Variants in TSHZ2 observed in about 807,000 individuals in gnomAD.
TSHZ2 encodes the protein teashirt zinc finger homeobox 2.
Under a neutral mutation model 74.4 loss-of-function variants are expected in TSHZ2, and 21 were observed. That is an observed-to-expected ratio of 0.28 (90% confidence interval 0.20 to 0.41). The LOEUF (loss-of-function observed/expected upper bound fraction) is 0.41, where lower values mean the gene tolerates loss of function less well. TSHZ2 is among the 10% of genes least tolerant of loss of function. The pLI, the probability that TSHZ2 is intolerant of heterozygous loss-of-function variation, is 1.00. For synonymous variants in TSHZ2, 540 were observed against 515.3 expected (o/e 1.05, Z -0.65); for missense variants, 1,244 against 1,293.5 (o/e 0.96, Z 0.59).
intron 2 of TSHZ2, among the ~76,000 whole-genome samples, chr20:53,341,999 T>C (rs534488801): frequency 1.3e-5 from 2 of 152,142 alleles, no homozygotes; most frequent in Non-Finnish European, 1.5e-5. Flanking sequence ...GCGTGAGCAA[T>C]CATGCCCAGC....
At chr20:53,401,555 C>T (rs1434808163) in intron 2 of TSHZ2, among the ~76,000 whole-genome samples, 1 of 2,082 alleles carries the variant, frequency 4.8e-4, no homozygotes, top group African/African-American at 7.7e-3. Flanking sequence ...TCCAACCCCT[C>T]CCCCCCGAGT....
At chr20:53,321,112 T>C (rs1186282682) in intron 2 of TSHZ2, among the ~76,000 whole-genome samples, 1 of 152,238 alleles carries the variant, frequency 6.6e-6, no homozygotes, top group African/African-American at 2.4e-5. Flanking sequence ...ACCATCACTC[T>C]AGGGCGCAAC....
At chr20:53,115,512 T>C (rs972617733) in intron 1 of TSHZ2, among the ~76,000 whole-genome samples, 28 of 152,224 alleles carry the variant, frequency 1.8e-4, no homozygotes, top group African/African-American at 2.2e-4. Flanking sequence ...TTCCCAGCCA[T>C]GTGGAACTGT....
intron 1 of TSHZ2, among the ~76,000 whole-genome samples, chr20:53,251,673 A>G (rs1990334998): frequency 1.3e-5 from 2 of 152,206 alleles, no homozygotes; most frequent in Admixed American, 6.5e-5. Context: ...TAAAATAACT[A>G]ACACAACCAT....
intron 1 of TSHZ2, among the ~76,000 whole-genome samples, chr20:53,218,033 C>A (rs1396084227): frequency 6.6e-6 from 1 of 152,212 alleles, no homozygotes; most frequent in Admixed American, 6.5e-5. Context: ...TAGCCCAACA[C>A]CCTCCTTTTT....
chr20:53,155,992 C>T (rs1042917378), intron 1 of TSHZ2, among the ~76,000 whole-genome samples: 1 of 152,104 alleles, frequency 6.6e-6, no homozygotes, highest in Admixed American at 6.5e-5. Context: ...TCTCTAAATG[C>T]CTGTTTCTTT....
intron 1 of TSHZ2, 22 bp downstream of exon 1, chr20:52,973,355 CG>C: frequency 6.4e-7 from 1 of 1,550,814 alleles, no homozygotes; most frequent in African/African-American, 1.4e-5. Flanking sequence ...GGCTCCGCTT[CG>C]GGGCTGCCCT....
At chr20:53,373,051 G>A (rs903447487) in intron 2 of TSHZ2, among the ~76,000 whole-genome samples, 1 of 152,028 alleles carries the variant, frequency 6.6e-6, no homozygotes, top group Non-Finnish European at 1.5e-5. Flanking sequence ...CTATTGCTTT[G>A]CATGACAAAA....
chr20:53,037,875 G>A (rs1459205753), intron 1 of TSHZ2, among the ~76,000 whole-genome samples: 3 of 152,078 alleles, frequency 2.0e-5, no homozygotes, highest in African/African-American at 7.2e-5. Context: ...TTCATGAGAT[G>A]CACAGGGGCC....
intron 2 of TSHZ2, among the ~76,000 whole-genome samples, chr20:53,410,903 G>A (rs954716764): frequency 6.6e-6 from 1 of 151,964 alleles, no homozygotes; most frequent in African/African-American, 2.4e-5. Flanking sequence ...TAGAACTTTT[G>A]ACCTCATGTG....
At chr20:52,994,631 C>T (rs146311434) in intron 1 of TSHZ2, among the ~76,000 whole-genome samples, 2 of 152,188 alleles carry the variant, frequency 1.3e-5, no homozygotes, top group Non-Finnish European at 2.9e-5. Flanking sequence ...TCCCTTCAGA[C>T]GAATCCTTCC....
chr20:53,313,337 TC>T (rs1978867797), intron 2 of TSHZ2, among the ~76,000 whole-genome samples: 2 of 152,254 alleles, frequency 1.3e-5, no homozygotes, highest in South Asian at 4.1e-4. Context: ...ATTACACACT[TC>T]CCTACCTCCT....
At chr20:53,265,651 G>A (rs1211341892) in intron 2 of TSHZ2, among the ~76,000 whole-genome samples, 1 of 152,196 alleles carries the variant, frequency 6.6e-6, no homozygotes, top group African/African-American at 2.4e-5. Flanking sequence ...CCTGAGAATT[G>A]GTGACATTCT....
intron 1 of TSHZ2, among the ~76,000 whole-genome samples, chr20:53,151,502 C>T (rs1025566032): frequency 6.6e-6 from 1 of 152,042 alleles, no homozygotes; most frequent in Non-Finnish European, 1.5e-5. Flanking sequence ...GTACATATAC[C>T]ATGTAGTAGA....
intron 2 of TSHZ2, among the ~76,000 whole-genome samples, chr20:53,440,190 T>C (rs957624006): frequency 1.3e-5 from 2 of 152,172 alleles, no homozygotes; most frequent in African/African-American, 4.8e-5. Context: ...AAATCTCTGC[T>C]CTTTTCAGTA....
At chr20:53,237,287 C>T (rs973085260) in intron 1 of TSHZ2, among the ~76,000 whole-genome samples, 3 of 152,162 alleles carry the variant, frequency 2.0e-5, no homozygotes, top group Non-Finnish European at 4.4e-5. Flanking sequence ...TTGACTTAAA[C>T]AGAACAGTTT....
chr20:52,980,304 C>T (rs998364308), intron 1 of TSHZ2, among the ~76,000 whole-genome samples: 3 of 151,920 alleles, frequency 2.0e-5, no homozygotes, highest in Admixed American at 2.0e-4. Flanking sequence ...TTTTAAGGAG[C>T]TTTTTAGCTC....
chr20:53,144,064 A>G (rs1416773593), intron 1 of TSHZ2, among the ~76,000 whole-genome samples: 1 of 152,204 alleles, frequency 6.6e-6, no homozygotes, highest in African/African-American at 2.4e-5. Flanking sequence ...CCACAAGACC[A>G]GATGAGCCAG....
chr20:53,197,954 C>T (rs1296576440), intron 1 of TSHZ2, among the ~76,000 whole-genome samples: 1 of 152,166 alleles, frequency 6.6e-6, no homozygotes, highest in Non-Finnish European at 1.5e-5. Flanking sequence ...GGTGACCCGA[C>T]AGGCAATAAA....
Sources: gnomAD v4.1 joint callset for allele counts (sites outside exome capture counted in the v4.1 genomes callset) on GRCh38, gnomAD v4.1.1 for gene constraint, MANE v1.5 for transcripts, NCBI Gene and HGNC (gene_info 2026-07-23, HGNC 2026-07-21) for gene names.